Variants in AGBL1 observed in about 807,000 individuals in gnomAD.
AGBL1 encodes cytosolic carboxypeptidase 4.
AGBL1 carries 130 observed loss-of-function variants against 118.9 expected under a neutral mutation model. That is an observed-to-expected ratio of 1.09 (90% CI 0.95 to 1.26). The LOEUF (loss-of-function observed/expected upper bound fraction) is 1.26, where lower values mean the gene tolerates loss of function less well. Ranked by LOEUF, AGBL1 falls within the 50% of genes most tolerant of loss-of-function variation. The pLI, the probability that AGBL1 is intolerant of heterozygous loss-of-function variation, is 0.00. For synonymous variants in AGBL1, 555 were observed against 478.9 expected (o/e 1.16, Z -2.08); for missense variants, 1,584 against 1,298.1 (o/e 1.22, Z -3.38).
intron 21 of AGBL1, among the ~76,000 whole-genome samples, chr15:86,597,867 T>G (rs74991855): frequency 4.4e-5 from 2 of 45,812 alleles, no homozygotes; most frequent in Non-Finnish European, 1.0e-4. Flanking sequence ...ATGTGATTGG[T>G]TTGGGGAGGA....
chr15:86,947,436 A>T (rs1596663245), intron 23 of AGBL1, among the ~76,000 whole-genome samples: 1 of 152,266 alleles, frequency 6.6e-6, no homozygotes, highest in African/African-American at 2.4e-5. Context: ...TTCATATTTT[A>T]TGTTGTTCTA....
At chr15:86,083,681 G>A (rs1185049860) in intron 1 of AGBL1, 1 of 152,106 alleles carries the variant, frequency 6.6e-6, no homozygotes, top group East Asian at 1.9e-4. Flanking sequence ...GATCCTCCAG[G>A]GATTATTTCC....
chr15:86,577,309 C>A (rs531135577), intron 21 of AGBL1, among the ~76,000 whole-genome samples: 3 of 152,180 alleles, frequency 2.0e-5, no homozygotes, highest in Admixed American at 6.5e-5. Context: ...ATTTGTGGAA[C>A]TTTCAACTTG....
At chr15:86,815,000 A>G (rs1030346688) in intron 22 of AGBL1, among the ~76,000 whole-genome samples, 1 of 152,152 alleles carries the variant, frequency 6.6e-6, no homozygotes, top group Non-Finnish European at 1.5e-5. Flanking sequence ...TGTAATTTAC[A>G]TGGAGTAGTC....
intron 22 of AGBL1, among the ~76,000 whole-genome samples, chr15:86,783,080 T>C (rs180721710): frequency 6.6e-6 from 1 of 152,310 alleles, no homozygotes; most frequent in Admixed American, 6.5e-5. Context: ...ATCCATGAAA[T>C]TGTTTTACTC....
intron 23 of AGBL1, among the ~76,000 whole-genome samples, chr15:86,959,562 C>CT (rs1422301319): frequency 2.0e-5 from 3 of 152,034 alleles, no homozygotes; most frequent in South Asian, 4.1e-4. Flanking sequence ...CCAAAGTCTT[C>CT]TTTTTTTCTT....
At chr15:86,306,140 A>G (rs1869500506) in intron 17 of AGBL1, among the ~76,000 whole-genome samples, 2 of 152,298 alleles carry the variant, frequency 1.3e-5, no homozygotes, top group Middle Eastern at 3.4e-3. Context: ...CATCCCCTCA[A>G]ACATTTATCC....
chr15:86,627,841 C>T (rs1373034476), intron 21 of AGBL1, among the ~76,000 whole-genome samples: 1 of 152,156 alleles, frequency 6.6e-6, no homozygotes, highest in African/African-American at 2.4e-5. Context: ...GTGATGAGTG[C>T]TGTTTTCACA....
chr15:86,895,745 T>G (rs1050711340), intron 22 of AGBL1, among the ~76,000 whole-genome samples: 4 of 152,200 alleles, frequency 2.6e-5, no homozygotes, highest in Admixed American at 1.3e-4. Flanking sequence ...TCACCTAGTT[T>G]CCCTTATTTA....
chr15:86,281,032 A>G (rs1567175516), intron 16 of AGBL1, among the ~76,000 whole-genome samples: 1 of 152,218 alleles, frequency 6.6e-6, no homozygotes, highest in South Asian at 2.1e-4. Flanking sequence ...AACAGGCAAC[A>G]TTCATCTCCC....
At chr15:86,723,562 G>A (rs560891219) in intron 22 of AGBL1, among the ~76,000 whole-genome samples, 1 of 151,920 alleles carries the variant, frequency 6.6e-6, no homozygotes, top group African/African-American at 2.4e-5. Context: ...ATTAAATGAC[G>A]AGTTAATGGG....
chr15:86,970,552 G>T (rs756019029), intron 23 of AGBL1, among the ~76,000 whole-genome samples: 2 of 151,920 alleles, frequency 1.3e-5, no homozygotes, highest in African/African-American at 2.4e-5. Flanking sequence ...TGATTTGAAC[G>T]CAGGCCTATT....
intron 18 of AGBL1, among the ~76,000 whole-genome samples, chr15:86,402,705 CT>C (rs1161335879): frequency 6.6e-6 from 1 of 152,100 alleles, no homozygotes; most frequent in Non-Finnish European, 1.5e-5. Flanking sequence ...GACCCGTTTC[CT>C]TTTGTGGTGA....
intron 22 of AGBL1, among the ~76,000 whole-genome samples, chr15:86,810,172 T>C (rs2078768909): frequency 6.6e-6 from 1 of 152,146 alleles, no homozygotes; most frequent in Non-Finnish European, 1.5e-5. Context: ...TCCTCGGGAC[T>C]AAGTAGATTC....
chr15:86,361,690 A>G (rs778459096), intron 17 of AGBL1, among the ~76,000 whole-genome samples: 12 of 152,040 alleles, frequency 7.9e-5, no homozygotes, highest in Non-Finnish European at 1.3e-4. Flanking sequence ...CTTTTTGTAT[A>G]TAATAACTTT....
chr15:86,293,071 C>A (rs562439794), intron 16 of AGBL1, among the ~76,000 whole-genome samples: 110 of 152,114 alleles, frequency 7.2e-4, no homozygotes, highest in Non-Finnish European at 1.5e-3. Flanking sequence ...GGCACTTTTT[C>A]TTTTTCCTTG....
intron 22 of AGBL1, among the ~76,000 whole-genome samples, chr15:86,731,651 TAGAG>T (rs1212443663): frequency 2.6e-5 from 4 of 152,058 alleles, no homozygotes; most frequent in Non-Finnish European, 1.5e-5. Flanking sequence ...GATACAAAGA[TAGAG>T]AGAGGAAGAA....
intron 19 of AGBL1, among the ~76,000 whole-genome samples, chr15:86,524,857 G>C (rs1417614232): frequency 6.6e-6 from 1 of 152,146 alleles, no homozygotes; most frequent in Non-Finnish European, 1.5e-5. Context: ...GAACAAAGTG[G>C]ATTCTTTTCT....
chr15:86,373,037 A>G (rs2080992000), intron 17 of AGBL1, among the ~76,000 whole-genome samples: 1 of 152,134 alleles, frequency 6.6e-6, no homozygotes, highest in South Asian at 2.1e-4. Context: ...AGTTTCTGGC[A>G]CGTAATGAAA....
Sources: allele counts gnomAD v4.1 joint callset (sites outside exome capture counted in the v4.1 genomes callset), GRCh38; gene constraint gnomAD v4.1.1; transcripts MANE v1.5; gene names NCBI Gene and HGNC (gene_info 2026-07-23, HGNC 2026-07-21).